The following ZBTB18 variants were observed in gnomAD, a reference collection of about 807,000 sequenced individuals.
ZBTB18 encodes the protein zinc finger and BTB domain containing 18, also known as zinc finger and BTB domain-containing protein 18.
In ZBTB18, 2 loss-of-function variants were observed where a neutral mutation model predicts 37.7. The ratio of observed to expected loss-of-function variants is 0.05; its 90% confidence interval spans 0.02 to 0.17. The LOEUF (loss-of-function observed/expected upper bound fraction) is 0.17, where lower values mean the gene tolerates loss of function less well. Ranked by LOEUF, ZBTB18 falls within the 10% of genes least tolerant of loss-of-function variation. The pLI is 1.00. For missense variants in ZBTB18, 408 were observed against 686.3 expected (o/e 0.59, Z 4.53); for synonymous variants, 304 against 276.5 (o/e 1.10, Z -0.99).
chr1:244,055,722 T>C lies in ZBTB18; in HGVS notation c.*352T>C, dbSNP rs1698453370. ...TTTTTTCCCCCCCAACAAAGTTTTT[T>C]TGTTTTTTGTTTTTTTTTTTAAGTA... On this transcript the variant is annotated 3_prime_UTR_variant, in exon 2 of 2. Coordinates refer to ENST00000358704, the MANE Select transcript of ZBTB18 (RefSeq NM_205768.3). This position sits in a 1 kb window ranked among gnomAD's most constrained non-coding sequence, Gnocchi z 7.0. 6.0e-6 allele frequency: 1 copy of C among 165,950 alleles called. No individual in the cohort carries two copies. Among genetic ancestry groups the C allele is most frequent in the Non-Finnish European group, 1.5e-5 (1 of 68,054 alleles). 10.3% of individuals were successfully genotyped at this position (165,950 alleles called of 1,614,324 possible).
In ZBTB18 at chr1:244,056,761, G is replaced by A. The variant is rs1698482133; in HGVS notation, c.*1391G>A. ...GACTGCCTTGATTGACATGGGGAAGGGGGTTAGTAGACTATGTGGATTGCG... is the reference window on the plus strand; with the variant it reads ...GACTGCCTTGATTGACATGGGGAAGAGGGTTAGTAGACTATGTGGATTGCG... On this transcript the variant is annotated 3_prime_UTR_variant, in exon 2 of 2. Coordinates refer to ENST00000358704, the MANE Select transcript of ZBTB18 (RefSeq NM_205768.3). 6.0e-6 allele frequency: 1 copy of A among 166,704 alleles called. No individual in the cohort carries two copies. Among genetic ancestry groups the A allele is most frequent in the Non-Finnish European group, 1.5e-5 (1 of 68,068 alleles). 10.3% of individuals were successfully genotyped at this position (166,704 alleles called of 1,614,324 possible).
In ZBTB18 at chr1:244,056,808, C is replaced by T. The variant is rs546391903; in HGVS notation, c.*1438C>T. 41 of 167,150 alleles carry T rather than the reference C, an allele frequency of 2.5e-4. 1 individual carries two copies. The Admixed American group carries it at 2.7e-3, about 11-fold the overall frequency. 10.4% of individuals were successfully genotyped at this position (167,150 alleles called of 1,614,324 possible). A position where few individuals can be genotyped will look rare whatever the true frequency, so the allele number is the denominator to read the frequency against. The stretch of plus-strand genomic sequence containing the variant: ...TGCGGCAGCAGAGGCTGCAGCCTAA[C>T]GTGTGGTTTTAATGACCAGCACGCA... On this transcript the variant is annotated 3_prime_UTR_variant, in exon 2 of 2. Transcript: ENST00000358704.
In ZBTB18 at chr1:244,053,702, A is replaced by G; in HGVS notation, c.14-86A>G. The G allele has an allele frequency of 6.6e-7, 1 of 1,520,504 alleles. No individual in the cohort carries two copies. Among genetic ancestry groups the G allele is most frequent in the Non-Finnish European group, 8.8e-7 (1 of 1,136,762 alleles). The allele number at this position is 1,520,504 out of a possible 1,614,324, so 94.2% of individuals were successfully genotyped here. On this transcript the variant is annotated intron_variant, in intron 1 of 1. Transcript: ENST00000358704. This position sits in a 1 kb window ranked among gnomAD's most constrained non-coding sequence, Gnocchi z 5.2. Reference sequence around the variant, plus strand: ...CAGGGACATGTACCACGGCGGCCAAAGCGGAATTAATTTTTTTATATGGGG... The same window carrying G: ...CAGGGACATGTACCACGGCGGCCAAGGCGGAATTAATTTTTTTATATGGGG...
At chr1:244,049,766 G>T (rs562114169), upstream of ZBTB18, among the ~76,000 whole-genome samples, 2 of 143,550 alleles carry the variant, frequency 1.4e-5, no homozygotes, top group African/African-American at 5.2e-5. Context: ...CGGCACCCCC[G>T]CCCCCACCTC....
Position 244,051,330 on chromosome 1 carries a change from A to G in ZBTB18, c.-102A>G, listed in dbSNP as rs1558147973. 2.3e-6 allele frequency: 3 copies of G among 1,298,454 alleles called. No individual in the cohort carries two copies. The highest frequency in any genetic ancestry group is 3.3e-6 in the Non-Finnish European group (3 of 903,680). 80.4% of individuals were successfully genotyped at this position (1,298,454 alleles called of 1,614,324 possible). The stretch of plus-strand genomic sequence containing the variant: ...AGAAGGTATCTCATTCCTCTCTAAC[A>G]TCATCTCCACTTTGCATCTGTCTCT... On this transcript the variant is annotated 5_prime_UTR_variant, in exon 1 of 2. Transcript: ENST00000358704.
chr1:244,050,109 A>G (rs769915835), upstream of ZBTB18, among the ~76,000 whole-genome samples: 34 of 152,224 alleles, frequency 2.2e-4, no homozygotes, highest in Non-Finnish European at 4.4e-4. Context: ...GAAGGACAGG[A>G]CGGAGTCGTC....
chr1:244,054,687 A>G lies in ZBTB18; in HGVS notation c.913A>G (p.Thr305Ala). Residue 305 changes from threonine to alanine, a missense_variant, in exon 2 of 2, where the codon ACT becomes GCT. Coordinates refer to ENST00000358704, the MANE Select transcript of ZBTB18 (RefSeq NM_205768.3). This position sits in a 1 kb window ranked among gnomAD's most constrained non-coding sequence, Gnocchi z 9.0. ...GTNDYDMEHS[T>A]VKESVSTNNR... ...TAATGACTATGACATGGAACATAGC[A>G]CTGTGAAAGAAAGTGTGAGCACTAA... is the stretch of plus-strand genomic sequence containing the variant. 2 of 1,614,206 alleles carry G rather than the reference A, an allele frequency of 1.2e-6. No individual in the cohort carries two copies. The highest frequency in any genetic ancestry group is 1.7e-6 in the Non-Finnish European group (2 of 1,180,040).
chr1:244,052,650 A>G (rs1698377245), intron 1 of ZBTB18, among the ~76,000 whole-genome samples: 2 of 152,078 alleles, frequency 1.3e-5, no homozygotes, highest in Admixed American at 6.5e-5. Flanking sequence ...TCCTCCCTCC[A>G]TTTCACTTTC....
intron 1 of ZBTB18, among the ~76,000 whole-genome samples, chr1:244,051,686 A>G (rs759897688): frequency 1.2e-4 from 18 of 152,148 alleles, no homozygotes; most frequent in South Asian, 4.1e-4. Flanking sequence ...ATGTTAAGAA[A>G]GGCTTTAAAA....
At chr1:244,049,362 T>TG (rs2148551959), upstream of ZBTB18, among the ~76,000 whole-genome samples, 1 of 104,336 alleles carries the variant, frequency 9.6e-6, no homozygotes, top group East Asian at 3.1e-4. Context: ...GGCGGCGGGC[T>TG]GGGGGAGGGG....
chr1:244,050,454 A>T (rs1698326109), upstream of ZBTB18, among the ~76,000 whole-genome samples: 1 of 141,898 alleles, frequency 7.0e-6, no homozygotes, highest in Non-Finnish European at 1.5e-5. Context: ...AAAGAAAAAA[A>T]AGATTGTTAA....
Position 244,054,575 on chromosome 1 carries a change from T to C in ZBTB18, c.801T>C (p.Tyr267=). The C allele has an allele frequency of 6.2e-7, 1 of 1,614,228 alleles. No individual in the cohort carries two copies. The highest frequency in any genetic ancestry group is 8.5e-7 in the Non-Finnish European group (1 of 1,180,036). The part of the protein sequence containing the change: ...LSGVENLNSS[Y]FSSQDVLRSN... ...GAGTTGAAAATCTGAACAGCTCTTA[T>C]TTCTCTTCACAGGACGTGCTGAGAA... is the stretch of plus-strand genomic sequence containing the variant. The change falls in exon 2 of 2, where the codon TAT becomes TAC. Residue 267 remains tyrosine (Y), a synonymous_variant. Transcript: ENST00000358704. This position sits in a 1 kb window ranked among gnomAD's most constrained non-coding sequence, Gnocchi z 9.0.
In ZBTB18 at chr1:244,054,308, C is replaced by T. The variant is rs1698409330; in HGVS notation, c.534C>T (p.Ile178=). 1 of 1,614,192 alleles carries T rather than the reference C, an allele frequency of 6.2e-7. No homozygotes were observed. The highest frequency in any genetic ancestry group is 1.7e-5 in the Admixed American group (1 of 60,028). ...EDEGEDEKLN[I]LPSKRDLAAE... is the part of the protein sequence containing the mutation. ...AAGGAGAAGATGAAAAATTGAACAT[C>T]CTGCCCAGCAAAAGGGACTTGGCGG... Residue 178 remains isoleucine (I), a synonymous_variant, in exon 2 of 2, where the codon ATC becomes ATT. Transcript: ENST00000358704. This position sits in a 1 kb window ranked among gnomAD's most constrained non-coding sequence, Gnocchi z 9.0.
chr1:244,054,911 C>T lies in ZBTB18; in HGVS notation c.1137C>T (p.Phe379=). ...SNILSPAGQI[F]MCPLCNKVFP... ...TCCTGAGCCCCGCGGGCCAGATCTTCATGTGCCCCCTGTGCAACAAGGTCT... is the reference window on the plus strand; with the variant it reads ...TCCTGAGCCCCGCGGGCCAGATCTTTATGTGCCCCCTGTGCAACAAGGTCT... Residue 379 remains phenylalanine, a synonymous_variant, in exon 2 of 2, where the codon TTC becomes TTT. Transcript: ENST00000358704. The surrounding 1 kb of genome is among the most constrained non-coding windows in gnomAD (Gnocchi z 9.0). 6.2e-7 allele frequency: 1 copy of T among 1,614,184 alleles called. No individual in the cohort carries two copies. The highest frequency in any genetic ancestry group is 8.5e-7 in the Non-Finnish European group (1 of 1,180,014).
At position 244,054,131 on chromosome 1, in the gene ZBTB18, C is replaced by G. The variant is rs1390830313; in HGVS notation, c.357C>G (p.Val119=). Residue 119 remains valine, a synonymous_variant, in exon 2 of 2, where the codon GTC becomes GTG. Transcript: ENST00000358704. This position sits in a 1 kb window ranked among gnomAD's most constrained non-coding sequence, Gnocchi z 9.0. The part of the protein sequence containing the change: ...AASYLHMYDI[V]KVCKKKLKEK... Reference sequence around the variant, plus strand: ...GTTATCTCCACATGTATGACATTGTCAAAGTCTGCAAAAAGAAGCTGAAAG... The same window carrying G: ...GTTATCTCCACATGTATGACATTGTGAAAGTCTGCAAAAAGAAGCTGAAAG... 6.2e-7 allele frequency: 1 copy of G among 1,614,056 alleles called. No individual in the cohort carries two copies. The highest frequency in any genetic ancestry group is 8.5e-7 in the Non-Finnish European group (1 of 1,180,012).
At position 244,056,541 on chromosome 1, in the gene ZBTB18, G is replaced by T. The variant is rs1698472635; in HGVS notation, c.*1171G>T. The T allele has an allele frequency of 6.0e-6, 1 of 167,094 alleles. No individual in the cohort carries two copies. Among genetic ancestry groups the T allele is most frequent in the African/African-American group, 2.4e-5 (1 of 41,442 alleles). 10.4% of individuals were successfully genotyped at this position (167,094 alleles called of 1,614,324 possible). A position where few individuals can be genotyped will look rare whatever the true frequency, so the allele number is the denominator to read the frequency against. On this transcript the variant is annotated 3_prime_UTR_variant, in exon 2 of 2. Transcript: ENST00000358704. ...GAGTTTAGGTGTACACATTTACCCA[G>T]TTGAGCGTTCTTAGAATAACTACTG...
In ZBTB18 at chr1:244,054,311, G is replaced by T. The variant is rs144434130; in HGVS notation, c.537G>T (p.Leu179=). 1.2e-6 allele frequency: 2 copies of T among 1,614,082 alleles called. No individual in the cohort carries two copies. Among genetic ancestry groups the T allele is most frequent in the Admixed American group, 1.7e-5 (1 of 60,008 alleles). ...DEGEDEKLNI[L]PSKRDLAAEP... ...GAGAAGATGAAAAATTGAACATCCT[G>T]CCCAGCAAAAGGGACTTGGCGGCCG... is the stretch of plus-strand genomic sequence containing the variant. The change falls in exon 2 of 2, where the codon CTG becomes CTT. Residue 179 remains leucine (L), a synonymous_variant. Transcript: ENST00000358704. The surrounding 1 kb of genome is among the most constrained non-coding windows in gnomAD (Gnocchi z 9.0).
rs189663377 is a variant in ZBTB18, at chr1:244,056,664, C to G, written c.*1294C>G. The G allele has an allele frequency of 2.6e-4, 42 of 164,086 alleles. No homozygotes were observed. The highest frequency in any genetic ancestry group is 5.3e-4 in the Non-Finnish European group (36 of 67,516). The allele number at this position is 164,086 out of a possible 1,614,324, so 10.2% of individuals were successfully genotyped here. On this transcript the variant is annotated 3_prime_UTR_variant, in exon 2 of 2. Transcript: ENST00000358704. ...ACCCTCCCTCCCTTACTCTCCCCCC[C>G]CACCACCACCCTCCACCCCCAACTC...
upstream of ZBTB18, chr1:244,048,918 G>A (rs1698289995): frequency 6.2e-6 from 1 of 162,278 alleles, no homozygotes; most frequent in Non-Finnish European, 1.3e-5. Flanking sequence ...CGGCGGCGGC[G>A]GCGGCCGGGA....
Sources: allele counts gnomAD v4.1 joint callset (sites outside exome capture counted in the v4.1 genomes callset), GRCh38; gene constraint gnomAD v4.1.1; non-coding constraint Gnocchi (gnomAD v3.1); transcripts MANE v1.5; gene names NCBI Gene and HGNC (gene_info 2026-07-23, HGNC 2026-07-21).